SRPRA: variants seen among roughly 807,000 people sequenced by gnomAD.
SRPRA encodes signal recognition particle receptor subunit alpha.
SRPRA carries 30 observed loss-of-function variants against 61.1 expected under a neutral mutation model. The ratio of observed to expected loss-of-function variants is 0.49; its 90% CI spans 0.37 to 0.67. The LOEUF is 0.67. Ranked by LOEUF, SRPRA falls within the 30% of genes least tolerant of loss-of-function variation. The pLI, the probability that SRPRA is intolerant of heterozygous loss-of-function variation, is 0.00. For missense variants in SRPRA, 759 were observed against 828.4 expected, an observed-to-expected ratio of 0.92 and a Z score of 1.03; for synonymous variants, 324 against 299.7, an observed-to-expected ratio of 1.08 and a Z score of -0.84.
chr11:126,239,782 G>A, the SRPRA span, among the ~76,000 whole-genome samples: 2 of 152,144 alleles, frequency 1.3e-5, no homozygotes, highest in African/African-American at 4.8e-5. Flanking sequence ...CCAAAGTGCT[G>A]GGATTACAGG....
chr11:126,266,552 T>A lies in SRPRA; in HGVS notation c.764A>T (p.Asn255Ile). The change falls in exon 6 of 14, where the codon AAC becomes ATC. Residue 255 changes from asparagine to isoleucine, a missense_variant. Asn to Ile is a moderately radical substitution (Grantham distance 149, BLOSUM62 -3). Around this residue, in one of 2 missense-constraint regions of SRPRA, gnomAD observed 475 missense variants for 462.5 expected, o/e 1.03. Transcript: ENST00000332118. ...AGTACTGTAATCCAACACTTCTTTG[T>A]TAGCACAGCCACCCAGTTCCCACAC... ...PRVWELGGCA[N>I]KEVLDYSTPT... 1 of 1,614,220 alleles carries A rather than the reference T, an allele frequency of 6.2e-7. No individual in the cohort carries two copies. The highest frequency in any genetic ancestry group is 8.5e-7 in the Non-Finnish European group (1 of 1,180,040).
Position 126,267,858 on chromosome 11 carries a change from G to A in SRPRA, c.201+145C>T, listed in dbSNP as rs1422599772. ...AGAGGCAGCCAAGCTCCCTGCCTGG[G>A]CCCAGTAGCTGCTGTTTTCCCCCAT... On this transcript the variant is annotated intron_variant, in intron 2 of 13. Coordinates refer to ENST00000332118, the MANE Select transcript of SRPRA (RefSeq NM_003139.4). The surrounding 1 kb of genome is among the most constrained non-coding windows in gnomAD (Gnocchi z 4.2). 1.5e-5 allele frequency: 20 copies of A among 1,373,796 alleles called. No individual in the cohort carries two copies. The highest frequency in any genetic ancestry group is 2.6e-5 in the South Asian group (2 of 77,048). The allele number at this position is 1,373,796 out of a possible 1,614,324, so 85.1% of individuals were successfully genotyped here.
Position 126,266,202 on chromosome 11 carries a change from T to G in SRPRA, c.917A>C (p.Asn306Thr). 1 of 1,613,932 alleles carries G rather than the reference T, an allele frequency of 6.2e-7. No homozygotes were observed. The highest frequency in any genetic ancestry group is 8.5e-7 in the Non-Finnish European group (1 of 1,179,996). Residue 306 changes from asparagine (N) to threonine (T), a missense_variant, in exon 7 of 14, where the codon AAC becomes ACC. This residue lies in a region of SRPRA where 475 missense variants were observed against 462.5 expected (regional missense o/e 1.03). Coordinates refer to ENST00000332118, the MANE Select transcript of SRPRA (RefSeq NM_003139.4). ...ATTCCCCTACCTAGGTTTGGTAGAG[T>G]TTTGAGCAGCCCCTTCGTCATCAGA... ...SSSDDEGAAQ[N>T]STKPSATKGT...
At chr11:126,257,415 T>A in the SRPRA span, among the ~76,000 whole-genome samples, 1 of 152,092 alleles carries the variant, frequency 6.6e-6, no homozygotes, top group Non-Finnish European at 1.5e-5. Context: ...TGGCAAAAAA[T>A]TGGAAGGATC....
Position 126,265,881 on chromosome 11 carries a change from T to C in SRPRA, c.1052-58A>G. On this transcript the variant is annotated intron_variant, in intron 8 of 13. Transcript: ENST00000332118. This position sits in a 1 kb window ranked among gnomAD's most constrained non-coding sequence, Gnocchi z 6.3. ...TGTCAGCAATGACCAATCTTTATGGTACAGGTGAGAAACGCTAGGTGATTC... is the reference window on the plus strand; with the variant it reads ...TGTCAGCAATGACCAATCTTTATGGCACAGGTGAGAAACGCTAGGTGATTC... 1 of 1,612,060 alleles carries C rather than the reference T, an allele frequency of 6.2e-7. No homozygotes were observed. The highest frequency in any genetic ancestry group is 8.5e-7 in the Non-Finnish European group (1 of 1,178,120).
Position 126,264,865 on chromosome 11 carries a change from G to A in SRPRA, c.1525+94C>T, listed in dbSNP as rs2135237783. 1 of 1,205,784 alleles carries A rather than the reference G, an allele frequency of 8.3e-7. No homozygotes were observed. Among genetic ancestry groups the A allele is most frequent in the African/African-American group, 1.5e-5 (1 of 65,576 alleles). The allele number at this position is 1,205,784 out of a possible 1,614,324, so 74.7% of individuals were successfully genotyped here. A position where few individuals can be genotyped will look rare whatever the true frequency, so the allele number is the denominator to read the frequency against. On this transcript the variant is annotated intron_variant, in intron 11 of 13. Transcript: ENST00000332118. This position sits in a 1 kb window ranked among gnomAD's most constrained non-coding sequence, Gnocchi z 5.0. ...TTTACTGTAATTGACCAACGAGTCT[G>A]TAGTAGCACAAGCCTGATCTTCTGC... is the stretch of plus-strand genomic sequence containing the variant.
the SRPRA span, among the ~76,000 whole-genome samples, chr11:126,240,008 G>A: frequency 6.6e-6 from 1 of 152,066 alleles, no homozygotes; most frequent in South Asian, 2.1e-4. Context: ...TTTCAGGGGA[G>A]GGGAACATGC....
chr11:126,267,925 G>A lies in SRPRA; in HGVS notation c.201+78C>T. 6.7e-7 allele frequency: 1 copy of A among 1,495,558 alleles called. No individual in the cohort carries two copies. The allele number at this position is 1,495,558 out of a possible 1,614,324, so 92.6% of individuals were successfully genotyped here. A position where few individuals can be genotyped will look rare whatever the true frequency, so the allele number is the denominator to read the frequency against. ...TTCAGTTACGTCATCATATACACTG[G>A]CTGCAATTAATCAGAGTTCTCTTAA... is the stretch of plus-strand genomic sequence containing the variant. On this transcript the variant is annotated intron_variant, in intron 2 of 13. Coordinates refer to ENST00000332118, the MANE Select transcript of SRPRA (RefSeq NM_003139.4). The surrounding 1 kb of genome is among the most constrained non-coding windows in gnomAD (Gnocchi z 4.2).
Position 126,268,797 on chromosome 11 carries a change from T to C in SRPRA, c.8A>G (p.Asp3Gly). The C allele has an allele frequency of 6.2e-7, 1 of 1,613,284 alleles. No individual in the cohort carries two copies. Reference sequence around the variant, plus strand: ...GCCCTTGGAGAAAATGGTGAAGAAGTCGAGCATGGCGGCAGCGGCAGAGGA... The same window carrying C: ...GCCCTTGGAGAAAATGGTGAAGAAGCCGAGCATGGCGGCAGCGGCAGAGGA... ML[D>G]FFTIFSKGGL... is the part of the protein sequence containing the mutation. The change falls in exon 1 of 14, where the codon GAC becomes GGC. Residue 3 changes from aspartate to glycine, a missense_variant. By Grantham distance (94) the Asp-to-Gly change is moderately conservative (BLOSUM62 -1). Transcript: ENST00000332118.
Position 126,266,197 on chromosome 11 carries a change from T to G in SRPRA, c.922A>C (p.Thr308Pro). ...SDDEGAAQNS[T>P]KPSATKGTLG... ...CTGAAATTCCCCTACCTAGGTTTGG[T>G]AGAGTTTTGAGCAGCCCCTTCGTCA... The change falls in exon 7 of 14, where the codon ACC (threonine) becomes CCC (proline). Residue 308 changes from threonine (T) to proline (P), a missense_variant. Coordinates refer to ENST00000332118, the MANE Select transcript of SRPRA (RefSeq NM_003139.4). The G allele has an allele frequency of 6.2e-7, 1 of 1,614,110 alleles. No homozygotes were observed. The highest frequency in any genetic ancestry group is 2.2e-5 in the East Asian group (1 of 44,876).
Position 126,263,933 on chromosome 11 carries a change from C to G in SRPRA, c.1900G>C (p.Ala634Pro). 1 of 1,614,160 alleles carries G rather than the reference C, an allele frequency of 6.2e-7. No homozygotes were observed. Among genetic ancestry groups the G allele is most frequent in the Non-Finnish European group, 8.5e-7 (1 of 1,180,022 alleles). Residue 634 changes from alanine to proline, a missense_variant, in exon 14 of 14, where the codon GCC becomes CCC. Physicochemically the swap from Ala to Pro is conservative, Grantham distance 27 (BLOSUM62 -1). Transcript: ENST00000332118. ...RSLNAKAVVA[A>P]LMKA ...GAGCCACGTTAAGCCTTCATGAGGG[C>G]AGCCACCACAGCCTTGGCATTGAGG...
chr11:126,268,579 GT>G (rs1439567431), intron 1 of SRPRA, 108 bp downstream of exon 1: 1 of 874,686 alleles, frequency 1.1e-6, no homozygotes, highest in African/African-American at 1.7e-5. Flanking sequence ...TGAGTGGTCA[GT>G]GTGAGGTGGG....
intron 1 of SRPRA, 100 bp downstream of exon 1, chr11:126,268,588 G>A: frequency 1.0e-6 from 1 of 963,818 alleles, no homozygotes; most frequent in South Asian, 1.4e-5. Flanking sequence ...AGTGTGAGGT[G>A]GGCGGGGAGG....
chr11:126,268,633 C>T (rs756655985), intron 1 of SRPRA, 55 bp downstream of exon 1: 13 of 1,466,184 alleles, frequency 8.9e-6, no homozygotes, highest in African/African-American at 1.4e-5. Flanking sequence ...CGAAGGGGAC[C>T]ATGGATCGGG....
rs780406386 is a variant in SRPRA at position 126,266,105 on chromosome 11, T to C, written c.933-24A>G. ...CACTGCAGGGACAGGAGATTACACA[T>C]ACACATAAAACCAGTAGGCAGGAGT... On this transcript the variant is annotated intron_variant, in intron 7 of 13. Coordinates refer to ENST00000332118, the MANE Select transcript of SRPRA (RefSeq NM_003139.4). 2.5e-6 allele frequency: 4 copies of C among 1,613,016 alleles called. No individual in the cohort carries two copies. In the African/African-American group the frequency reaches 4.0e-5, roughly 16 times the overall value.
intron 1 of SRPRA, 96 bp downstream of exon 1, chr11:126,268,592 G>T: frequency 1.0e-6 from 1 of 995,088 alleles, no homozygotes; most frequent in Non-Finnish European, 1.6e-6. Context: ...TGAGGTGGGC[G>T]GGGAGGGTGG....
chr11:126,246,230 AC>A, the SRPRA span, among the ~76,000 whole-genome samples: 1 of 152,106 alleles, frequency 6.6e-6, no homozygotes, highest in African/African-American at 2.4e-5. Flanking sequence ...TACTTTTCTG[AC>A]TTTTGTGTGT....
At chr11:126,250,523 A>G in the SRPRA span, 1 of 1,613,526 alleles carries the variant, frequency 6.2e-7, no homozygotes, top group South Asian at 1.1e-5. This position sits in a 1 kb window ranked among gnomAD's most constrained non-coding sequence, Gnocchi z 5.1. Context: ...GTAATGTTCG[A>G]TCCACATTTT....
the SRPRA span, among the ~76,000 whole-genome samples, chr11:126,243,717 A>G: frequency 3.3e-3 from 504 of 152,220 alleles, 3 homozygotes; most frequent in Non-Finnish European, 4.8e-3. Context: ...CAGCCGGACC[A>G]ACATGGCAAA....
Sources: gnomAD v4.1 joint callset for allele counts (sites outside exome capture counted in the v4.1 genomes callset) on GRCh38, gnomAD v4.1.1 for gene constraint, gnomAD v4.1.1 regional missense constraint, Gnocchi (gnomAD v3.1) non-coding constraint, MANE v1.5 for transcripts, NCBI Gene and HGNC (gene_info 2026-07-23, HGNC 2026-07-21) for gene names.